ST7: variants seen among roughly 807,000 people sequenced by gnomAD.
ST7 encodes suppressor of tumorigenicity 7 protein.
In ST7, 28 loss-of-function variants were observed where a neutral mutation model predicts 78.7. That is an observed-to-expected ratio of 0.36 (90% CI 0.26 to 0.49). The LOEUF (loss-of-function observed/expected upper bound fraction) is 0.49, where lower values mean the gene tolerates loss of function less well. Among genes scored for constraint, ST7 ranks in the 20% least tolerant of loss-of-function variants. The pLI, the probability that ST7 is intolerant of heterozygous loss-of-function variation, is 0.99. For missense variants in ST7, 418 were observed against 696.0 expected, an observed-to-expected ratio of 0.60 and a Z score of 4.49; for synonymous variants, 247 against 249.6, an observed-to-expected ratio of 0.99 and a Z score of 0.10.
At chr7:117,105,861 G>C (rs961502227) in intron 2 of ST7, among the ~76,000 whole-genome samples, 9 of 152,186 alleles carry the variant, frequency 5.9e-5, no homozygotes, top group African/African-American at 2.2e-4. Flanking sequence ...ATTTTAAAAA[G>C]CCATGGGGAG....
At chr7:117,106,616 C>CTTTTTTTT (rs758855564) in intron 2 of ST7, among the ~76,000 whole-genome samples, 16 of 107,732 alleles carry the variant, frequency 1.5e-4, no homozygotes, top group East Asian at 5.3e-4. Flanking sequence ...TTGTATCATT[C>CTTTTTTTT]TTTTTTTTTT....
At chr7:117,035,930 G>A (rs1052838801) in intron 1 of ST7, among the ~76,000 whole-genome samples, 4 of 151,960 alleles carry the variant, frequency 2.6e-5, no homozygotes, top group Non-Finnish European at 4.4e-5. Flanking sequence ...TAATATGAAC[G>A]ACCAGATGAT....
At chr7:117,076,202 G>A (rs1221677577) in intron 1 of ST7, among the ~76,000 whole-genome samples, 2 of 152,140 alleles carry the variant, frequency 1.3e-5, no homozygotes, top group Admixed American at 1.3e-4. Flanking sequence ...CGAGCAGCAG[G>A]ACCTAGACCA....
At chr7:117,015,176 G>T (rs1227331125) in intron 1 of ST7, among the ~76,000 whole-genome samples, 1 of 152,202 alleles carries the variant, frequency 6.6e-6, no homozygotes, top group Non-Finnish European at 1.5e-5. Flanking sequence ...TCCAAATTGT[G>T]ATTAATTTAG....
intron 5 of ST7, 32 bp from the exon 6 acceptor site, chr7:117,131,853 T>C: frequency 6.3e-7 from 1 of 1,580,010 alleles, no homozygotes; most frequent in South Asian, 1.1e-5. Flanking sequence ...TATGTATGGA[T>C]TGACTTGGTG....
chr7:117,109,669 G>A (rs2116873222), intron 2 of ST7, among the ~76,000 whole-genome samples: 1 of 152,164 alleles, frequency 6.6e-6, no homozygotes, highest in East Asian at 1.9e-4. Flanking sequence ...AATAAAGAAG[G>A]AATCCTCCCT....
intron 1 of ST7, among the ~76,000 whole-genome samples, chr7:117,001,674 A>C (rs887797504): frequency 6.6e-6 from 1 of 152,152 alleles, no homozygotes; most frequent in Admixed American, 6.5e-5. Flanking sequence ...TTTTTGATAC[A>C]GTTTAGTGTT....
At chr7:117,113,410 G>T (rs1283860785) in intron 2 of ST7, among the ~76,000 whole-genome samples, 2 of 152,160 alleles carry the variant, frequency 1.3e-5, no homozygotes, top group African/African-American at 4.8e-5. Flanking sequence ...GAAGGAGAGA[G>T]TGGGGAGAGG....
Position 117,219,505 on chromosome 7 carries a change from G to A in ST7, c.1498+329G>A, listed in dbSNP as rs1792930662. Among the ~76,000 whole-genome samples the A allele has an allele frequency of 6.6e-6, 1 of 152,194 alleles. No individual in the cohort carries two copies. Among genetic ancestry groups the A allele is most frequent in the Non-Finnish European group, 1.5e-5 (1 of 68,038 alleles). ...TGGTCCATTGTGAGGGTTCTGCCTG[G>A]GCTCTTCAGCTGGACAGATGTGGTC... On this transcript the variant is annotated intron_variant, in intron 14 of 15. Transcript: ENST00000323984. The surrounding 1 kb of genome is among the most constrained non-coding windows in gnomAD (Gnocchi z 5.1).
rs80015676 is a variant in ST7 at position 116,983,963 on chromosome 7, G to A, written c.151+30272G>A. Reference sequence around the variant, plus strand: ...CATTAAGCTAAGCTCTCATCTATTTGTCACATCCTTTGGTTCTTAAGGTGA... The same window carrying A: ...CATTAAGCTAAGCTCTCATCTATTTATCACATCCTTTGGTTCTTAAGGTGA... On this transcript the variant is annotated intron_variant, in intron 1 of 15. Coordinates refer to ENST00000323984, the MANE Select transcript of ST7 (RefSeq NM_001369598.1). Among the ~76,000 whole-genome samples the A allele has an allele frequency of 1.8e-3, 277 of 152,220 alleles. 2 individuals are homozygous for A. The highest frequency in any genetic ancestry group is 1.8e-3 in the Non-Finnish European group (121 of 68,020).
intron 2 of ST7, among the ~76,000 whole-genome samples, chr7:117,102,749 T>C (rs989354253): frequency 3.3e-5 from 5 of 151,966 alleles, no homozygotes; most frequent in Admixed American, 6.6e-5. Context: ...TTCAGTGAGA[T>C]AGGTGATAGA....
At chr7:116,974,003 T>A (rs932598532) in intron 1 of ST7, among the ~76,000 whole-genome samples, 10 of 152,222 alleles carry the variant, frequency 6.6e-5, no homozygotes, top group Non-Finnish European at 8.8e-5. Context: ...TTTTATTTTT[T>A]AAATTTTTAC....
At chr7:117,097,896 A>ATCAC (rs1801202252) in intron 1 of ST7, among the ~76,000 whole-genome samples, 1 of 24,294 alleles carries the variant, frequency 4.1e-5, no homozygotes, top group African/African-American at 1.9e-4. Flanking sequence ...ATATATATAT[A>ATCAC]TATATATATA....
At chr7:116,967,334 G>A in intron 1 of ST7, 1 of 471,166 alleles carries the variant, frequency 2.1e-6, no homozygotes, top group Non-Finnish European at 4.4e-6. Context: ...GCCTTTGAGT[G>A]CTCCACTTGC....
chr7:117,049,820 T>A (rs1369884316), intron 1 of ST7, among the ~76,000 whole-genome samples: 1 of 152,174 alleles, frequency 6.6e-6, no homozygotes, highest in East Asian at 1.9e-4. Context: ...TCTCTGCTTC[T>A]TGGGGTCCTT....
chr7:117,165,815 G>C (rs1177932021), intron 9 of ST7, among the ~76,000 whole-genome samples: 1 of 152,172 alleles, frequency 6.6e-6, no homozygotes, highest in Non-Finnish European at 1.5e-5. Flanking sequence ...GATTGACCAG[G>C]ACAGGAGAGC....
At position 116,955,228 on chromosome 7, in the gene ST7, A is replaced by G. The variant is rs1792396820; in HGVS notation, c.151+1537A>G. ...GTTGTTTGAATATATGTTTTAATGG[A>G]ATTACGTATTTGTTGGTAACAGTGT... On this transcript the variant is annotated intron_variant, in intron 1 of 15. Transcript: ENST00000323984. 9.8e-6 allele frequency: 4 copies of G among 407,958 alleles called. No homozygotes were observed. In the Admixed American group the frequency reaches 1.0e-4, roughly 10 times the overall value. 25.3% of individuals were successfully genotyped at this position (407,958 alleles called of 1,614,324 possible).
chr7:117,188,843 G>A (rs1809521060), intron 10 of ST7, among the ~76,000 whole-genome samples: 1 of 151,950 alleles, frequency 6.6e-6, no homozygotes, highest in African/African-American at 2.4e-5. Flanking sequence ...TAATGCAAAG[G>A]AAATTTAGTT....
intron 1 of ST7, among the ~76,000 whole-genome samples, chr7:117,021,048 T>C (rs1423380384): frequency 3.3e-5 from 5 of 152,210 alleles, no homozygotes; most frequent in Non-Finnish European, 5.9e-5. Context: ...TAAATAGTTA[T>C]CATTATATAC....
Sources: gnomAD v4.1 joint callset for allele counts (sites outside exome capture counted in the v4.1 genomes callset) on GRCh38, gnomAD v4.1.1 for gene constraint, Gnocchi (gnomAD v3.1) non-coding constraint, MANE v1.5 for transcripts, NCBI Gene and HGNC (gene_info 2026-07-23, HGNC 2026-07-21) for gene names.